ZPBP: variants seen among roughly 807,000 people sequenced by gnomAD.
The protein encoded by ZPBP is zona pellucida-binding protein 1.
Under a neutral mutation model 44.8 loss-of-function variants are expected in ZPBP, and 26 were observed. The observed-to-expected ratio is 0.58, with a 90% CI of 0.43 to 0.81. The LOEUF (loss-of-function observed/expected upper bound fraction) is 0.81. Ranked by LOEUF, ZPBP falls within the 30% of genes least tolerant of loss-of-function variation. The pLI, the probability that ZPBP is intolerant of heterozygous loss-of-function variation, is 0.00. For missense variants in ZPBP, 409 were observed against 434.0 expected (o/e 0.94, Z 0.51); for synonymous variants, 174 against 153.2 (o/e 1.14, Z -1.00).
chr7:49,906,398 C>T (rs940722955), intron 1 of ZPBP, among the ~76,000 whole-genome samples: 15 of 152,010 alleles, frequency 9.9e-5, no homozygotes, highest in Admixed American at 3.3e-4. Flanking sequence ...GCAGTGGCGG[C>T]GACCTCAGCT....
At chr7:50,041,597 G>C (rs994698882) in intron 4 of ZPBP, among the ~76,000 whole-genome samples, 1 of 152,160 alleles carries the variant, frequency 6.6e-6, no homozygotes, top group Non-Finnish European at 1.5e-5. Flanking sequence ...CAAACAGAAA[G>C]GAGTAGCATC....
rs147921701 is a variant in ZPBP, at chr7:50,068,029, G to T, written c.335-9888C>A. ...ACAAGAAGAAAAGCTTAGTTAGTTA[G>T]ATCTGGTAGTCCTAAAGCTGGAGCC... On this transcript the variant is annotated intron_variant, in intron 3 of 7. Coordinates refer to ENST00000046087, the MANE Select transcript of ZPBP (RefSeq NM_007009.3). Among the ~76,000 whole-genome samples the T allele has an allele frequency of 7.8e-3, 1,182 of 152,268 alleles. 17 individuals carry two copies. Among genetic ancestry groups the T allele is most frequent in the South Asian group, 0.062 (300 of 4,824 alleles).
intron 5 of ZPBP, among the ~76,000 whole-genome samples, chr7:50,030,359 A>G (rs1799548865): frequency 6.6e-6 from 1 of 152,006 alleles, no homozygotes; most frequent in African/African-American, 2.4e-5. Context: ...ATGAGGCTGA[A>G]CTTGTTTTTT....
intron 6 of ZPBP, among the ~76,000 whole-genome samples, chr7:50,009,043 GGCCA>G (rs1798442538): frequency 6.6e-6 from 1 of 151,888 alleles, no homozygotes; most frequent in East Asian, 1.9e-4. Context: ...AGACCAGCCT[GGCCA>G]TCATGGTGAA....
chr7:49,897,007 T>C (rs1041733962), intron 2 of ZPBP, among the ~76,000 whole-genome samples: 9 of 150,832 alleles, frequency 6.0e-5, no homozygotes, highest in African/African-American at 2.2e-4. Flanking sequence ...GCCATTCTCC[T>C]GCCTCAGCCT....
chr7:50,060,621 TG>T (rs1801194762), intron 3 of ZPBP, among the ~76,000 whole-genome samples: 1 of 152,062 alleles, frequency 6.6e-6, no homozygotes, highest in South Asian at 2.1e-4. Flanking sequence ...AGGAAGAAAT[TG>T]AAACCCTGAA....
chr7:49,893,071 T>C (rs1046122114), intron 2 of ZPBP, among the ~76,000 whole-genome samples: 2 of 152,246 alleles, frequency 1.3e-5, no homozygotes, highest in African/African-American at 4.8e-5. Flanking sequence ...TTTTCCTTTT[T>C]TATTCCTTTG....
chr7:49,916,088 C>T (rs116403720), intron 1 of ZPBP: 2 of 152,158 alleles, frequency 1.3e-5, no homozygotes, highest in African/African-American at 2.4e-5. Flanking sequence ...CTCATTGCTC[C>T]GTAGCACAGA....
chr7:49,984,498 A>C (rs1797160335), intron 6 of ZPBP, among the ~76,000 whole-genome samples: 1 of 152,182 alleles, frequency 6.6e-6, no homozygotes, highest in Admixed American at 6.5e-5. Context: ...GGGTGGTAGG[A>C]TGTTTTTGGG....
chr7:49,993,740 G>A (rs1043604451), intron 6 of ZPBP, among the ~76,000 whole-genome samples: 1 of 152,098 alleles, frequency 6.6e-6, no homozygotes, highest in Non-Finnish European at 1.5e-5. Flanking sequence ...TGGCAGACTG[G>A]GCACTTAATG....
At position 49,999,679 on chromosome 7, in the gene ZPBP, C is replaced by T. The variant is rs191921128; in HGVS notation, c.784-16160G>A. 1.9e-3 allele frequency among the ~76,000 whole-genome samples: 274 copies of T among 141,644 alleles called. 2 individuals are homozygous for T. Among genetic ancestry groups the T allele is most frequent in the Non-Finnish European group, 2.6e-3 (170 of 65,174 alleles). The allele number at this position is 141,644 out of a possible 152,430, so 92.9% of individuals were successfully genotyped here. On this transcript the variant is annotated intron_variant, in intron 6 of 7. Transcript: ENST00000046087. ...TTGAGGGAAGGAGAAGATGGATGTT[C>T]CAGCTCAAACAGAAACAAATCCTCC...
intron 6 of ZPBP, among the ~76,000 whole-genome samples, chr7:50,009,034 G>T (rs1236968198): frequency 1.3e-5 from 2 of 151,752 alleles, no homozygotes; most frequent in Non-Finnish European, 2.9e-5. Context: ...AGGAGTTCAA[G>T]ACCAGCCTGG....
intron 2 of ZPBP, among the ~76,000 whole-genome samples, chr7:50,083,543 T>C (rs1322945434): frequency 6.6e-6 from 1 of 151,966 alleles, no homozygotes; most frequent in African/African-American, 2.4e-5. Context: ...CATAAATATC[T>C]GAAAGAATTC....
intron 4 of ZPBP, among the ~76,000 whole-genome samples, chr7:50,033,513 T>A (rs1186181393): frequency 2.0e-5 from 3 of 152,070 alleles, no homozygotes; most frequent in Non-Finnish European, 4.4e-5. Context: ...TTTGGGGACT[T>A]CAAGAAAAGA....
chr7:49,851,615 T>G (rs532329485), intron 2 of ZPBP, among the ~76,000 whole-genome samples: 2 of 152,186 alleles, frequency 1.3e-5, no homozygotes, highest in Non-Finnish European at 2.9e-5. Flanking sequence ...ATCCCAGCAC[T>G]TCGGGAGGCC....
At chr7:49,898,484 A>G (rs1336150251) in intron 2 of ZPBP, among the ~76,000 whole-genome samples, 3 of 152,062 alleles carry the variant, frequency 2.0e-5, no homozygotes, top group Non-Finnish European at 4.4e-5. Context: ...TTGTCTGACA[A>G]AGTTTTTATT....
chr7:49,979,531 T>C (rs1305540028), intron 7 of ZPBP, among the ~76,000 whole-genome samples: 12 of 151,818 alleles, frequency 7.9e-5, no homozygotes, highest in Admixed American at 7.2e-4. Flanking sequence ...ATGGTGAAAT[T>C]AGAAAACATT....
chr7:49,897,543 A>C (rs1792451384), intron 2 of ZPBP, among the ~76,000 whole-genome samples: 1 of 152,210 alleles, frequency 6.6e-6, no homozygotes, highest in Non-Finnish European at 1.5e-5. Context: ...TGGAAGTTGC[A>C]ACTCTATCCT....
chr7:49,905,261 C>T (rs1343028220), intron 1 of ZPBP, among the ~76,000 whole-genome samples: 1 of 152,144 alleles, frequency 6.6e-6, no homozygotes, highest in Admixed American at 6.5e-5. Context: ...AAAGACAGTA[C>T]TTATCATGAG....
Sources: allele counts gnomAD v4.1 joint callset (sites outside exome capture counted in the v4.1 genomes callset), GRCh38; gene constraint gnomAD v4.1.1; transcripts MANE v1.5; gene names NCBI Gene and HGNC (gene_info 2026-07-23, HGNC 2026-07-21).